DLGAP2: variants seen among roughly 807,000 people sequenced by gnomAD.
DLGAP2 encodes DLG associated protein 2.
DLGAP2 carries 26 observed loss-of-function variants against 100.3 expected under a neutral mutation model. The ratio of observed to expected loss-of-function variants is 0.26; its 90% confidence interval spans 0.19 to 0.36. The LOEUF (loss-of-function observed/expected upper bound fraction) is 0.36, where lower values mean the gene tolerates loss of function less well. Ranked by LOEUF, DLGAP2 falls within the 10% of genes least tolerant of loss-of-function variation. The probability of loss-of-function intolerance (pLI) is 1.00; values close to 1 mark genes in which losing one functional copy is unlikely to be tolerated. For missense variants in DLGAP2, 1,858 were observed against 1,453.2 expected, an observed-to-expected ratio of 1.28 and a Z score of -4.53; for synonymous variants, 886 against 630.1, an observed-to-expected ratio of 1.41 and a Z score of -6.08.
chr8:957,506 C>A (rs1799623384), intron 2 of DLGAP2, among the ~76,000 whole-genome samples: 1 of 152,218 alleles, frequency 6.6e-6, no homozygotes, highest in South Asian at 2.1e-4. Flanking sequence ...GATATTAGGC[C>A]ACTGCTGATG....
intron 1 of DLGAP2, among the ~76,000 whole-genome samples, chr8:795,735 C>A (rs111817852): frequency 1.6e-5 from 2 of 127,716 alleles, no homozygotes; most frequent in African/African-American, 3.0e-5. Flanking sequence ...TGAGAGCAGG[C>A]GTCCAGTGAG....
intron 1 of DLGAP2, among the ~76,000 whole-genome samples, chr8:844,670 T>C: frequency 6.6e-6 from 1 of 152,244 alleles, no homozygotes; most frequent in East Asian, 1.9e-4. Flanking sequence ...TGCTTGTATT[T>C]CAACCTCATA....
intron 8 of DLGAP2, among the ~76,000 whole-genome samples, chr8:1,649,801 C>T (rs551992295): frequency 6.6e-6 from 1 of 152,050 alleles, no homozygotes; most frequent in Non-Finnish European, 1.5e-5. Context: ...TTTGAAAATC[C>T]CAGTGGATTC....
intron 2 of DLGAP2, among the ~76,000 whole-genome samples, chr8:1,179,745 GA>G: frequency 6.6e-6 from 1 of 152,116 alleles, no homozygotes; most frequent in East Asian, 1.9e-4. Flanking sequence ...ATATTTTTAT[GA>G]AATATAAATG....
intron 3 of DLGAP2, among the ~76,000 whole-genome samples, chr8:1,391,988 C>A (rs1351794486): frequency 6.6e-6 from 1 of 152,198 alleles, no homozygotes. Context: ...TTCAGAAAAC[C>A]AGGTCGTAGG....
intron 2 of DLGAP2, among the ~76,000 whole-genome samples, chr8:1,061,217 G>A (rs368931023): frequency 1.3e-3 from 196 of 152,236 alleles, no homozygotes; most frequent in African/African-American, 4.3e-3. Context: ...CCCATCCCTC[G>A]TGAACTCTTT....
chr8:826,065 G>C (rs888815018), intron 1 of DLGAP2, among the ~76,000 whole-genome samples: 7 of 152,216 alleles, frequency 4.6e-5, no homozygotes, highest in South Asian at 2.1e-4. Flanking sequence ...AAATAATTGA[G>C]AACATGCTGT....
At chr8:912,045 C>A (rs987445878) in intron 2 of DLGAP2, among the ~76,000 whole-genome samples, 2 of 152,214 alleles carry the variant, frequency 1.3e-5, no homozygotes, top group African/African-American at 4.8e-5. Flanking sequence ...GTTCTGACTT[C>A]GGGCTTAGCT....
At chr8:1,339,781 C>T (rs62486253) in intron 3 of DLGAP2, among the ~76,000 whole-genome samples, 66,642 of 152,078 alleles carry the variant, frequency 0.44, 17,737 homozygotes, top group African/African-American at 0.75. Flanking sequence ...CCAGATACTC[C>T]AAATAGCATG....
chr8:817,583 T>A (rs963280478), intron 1 of DLGAP2, among the ~76,000 whole-genome samples: 1 of 152,202 alleles, frequency 6.6e-6, no homozygotes, highest in Non-Finnish European at 1.5e-5. Flanking sequence ...TCCTTCTCAT[T>A]TGGGTAGACT....
chr8:968,787 T>C (rs1048701978), intron 2 of DLGAP2, among the ~76,000 whole-genome samples: 2 of 152,204 alleles, frequency 1.3e-5, no homozygotes, highest in East Asian at 1.9e-4. Context: ...GTAGGGTTCC[T>C]GGAAGCTGCG....
intron 2 of DLGAP2, among the ~76,000 whole-genome samples, chr8:1,048,071 G>A (rs1382588220): frequency 6.6e-6 from 1 of 152,142 alleles, no homozygotes; most frequent in East Asian, 1.9e-4. Context: ...CAACCTGCCT[G>A]AGTCCGAATT....
chr8:917,496 C>A (rs746219670), intron 2 of DLGAP2, among the ~76,000 whole-genome samples: 8 of 152,158 alleles, frequency 5.3e-5, no homozygotes, highest in Non-Finnish European at 1.0e-4. Context: ...CCTTGGCCTC[C>A]CAAAGTGCTG....
At chr8:936,648 T>C (rs1340584540) in intron 2 of DLGAP2, among the ~76,000 whole-genome samples, 1 of 152,164 alleles carries the variant, frequency 6.6e-6, no homozygotes, top group East Asian at 1.9e-4. Context: ...GGAGCCTAGT[T>C]GGAAGCTGGA....
chr8:1,292,736 G>C (rs1800086966), intron 3 of DLGAP2, among the ~76,000 whole-genome samples: 1 of 152,032 alleles, frequency 6.6e-6, no homozygotes. Flanking sequence ...GAATTATTTG[G>C]AGCTGGTCAC....
In DLGAP2 at chr8:1,232,700, C is replaced by G. The variant is rs558511792; in HGVS notation, c.74-26151C>G. Among the ~76,000 whole-genome samples, 8 of 152,344 alleles carry G rather than the reference C, an allele frequency of 5.3e-5. No homozygotes were observed. The East Asian group carries it at 1.2e-3, about 22-fold the overall frequency. On this transcript the variant is annotated intron_variant, in intron 2 of 14. Transcript: ENST00000637795. ...AAAGTAGGCACCCTCCCTCTCAACACAAGACAAGGTGCATGTTCAGTGACT... is the reference window on the plus strand; with the variant it reads ...AAAGTAGGCACCCTCCCTCTCAACAGAAGACAAGGTGCATGTTCAGTGACT...
At chr8:1,349,812 C>T (rs1389397752) in intron 3 of DLGAP2, among the ~76,000 whole-genome samples, 1 of 152,260 alleles carries the variant, frequency 6.6e-6, no homozygotes, top group African/African-American at 2.4e-5. Context: ...ACTCATCAGA[C>T]ACCTTGAATT....
intron 3 of DLGAP2, among the ~76,000 whole-genome samples, chr8:1,287,147 T>C (rs1161746154): frequency 1.3e-4 from 17 of 133,114 alleles, no homozygotes; most frequent in African/African-American, 4.6e-4. Context: ...TGTGTGTGTG[T>C]GTGTGTGTGT....
In DLGAP2 at chr8:1,318,063, CTCG is replaced by C. The variant is rs1290978907; in HGVS notation, c.106+59183_106+59185del. On this transcript the variant is annotated intron_variant, in intron 3 of 14. Transcript: ENST00000637795. Reference sequence around the variant, plus strand: ...CCAACAGTGGTCTACACTCGAGACACTCGTCAGTGTTTAAAAATAGAGCGTGTG... The same window carrying C: ...CCAACAGTGGTCTACACTCGAGACACTCAGTGTTTAAAAATAGAGCGTGTG... 1.3e-4 allele frequency among the ~76,000 whole-genome samples: 5 copies of C among 37,868 alleles called. No homozygotes were observed. The East Asian group carries it at 3.8e-3, about 29-fold the overall frequency. 24.8% of individuals were successfully genotyped at this position (37,868 alleles called of 152,430 possible). A position where few individuals can be genotyped will look rare whatever the true frequency, so the allele number is the denominator to read the frequency against.
Sources: allele counts gnomAD v4.1 joint callset (sites outside exome capture counted in the v4.1 genomes callset), GRCh38; gene constraint gnomAD v4.1.1; transcripts MANE v1.5; gene names NCBI Gene and HGNC (gene_info 2026-07-23, HGNC 2026-07-21).